Variants in ANKRD29 observed in about 807,000 individuals in gnomAD.
ANKRD29 encodes ankyrin repeat domain-containing protein 29.
A neutral mutation model predicts 38.0 loss-of-function variants in ANKRD29; 32 were observed. That is an observed-to-expected ratio of 0.84 (90% CI 0.64 to 1.13). The LOEUF (loss-of-function observed/expected upper bound fraction) is 1.13, where lower values mean the gene tolerates loss of function less well. Ranked by LOEUF, ANKRD29 falls within the 50% of genes most tolerant of loss-of-function variation. ANKRD29 has a pLI of 0.00. For missense variants in ANKRD29, 357 were observed against 377.9 expected (o/e 0.94, Z 0.46); for synonymous variants, 135 against 152.4 (o/e 0.89, Z 0.84).
chr18:23,617,116 C>T (rs1242414901), intron 8 of ANKRD29, among the ~76,000 whole-genome samples: 1 of 152,068 alleles, frequency 6.6e-6, no homozygotes, highest in Non-Finnish European at 1.5e-5. Context: ...ACTTGGGAGG[C>T]TGAGACAGGA....
chr18:23,643,260 G>A (rs1352826288), intron 3 of ANKRD29, among the ~76,000 whole-genome samples: 2 of 152,198 alleles, frequency 1.3e-5, no homozygotes, highest in Non-Finnish European at 2.9e-5. Context: ...TGCAATGCAG[G>A]TGTGATTTTC....
At chr18:23,660,135 T>A (rs2060339956) in intron 1 of ANKRD29, among the ~76,000 whole-genome samples, 1 of 152,078 alleles carries the variant, frequency 6.6e-6, no homozygotes, top group Non-Finnish European at 1.5e-5. Context: ...AATAAATAAA[T>A]AAAAATGACT....
intron 1 of ANKRD29, among the ~76,000 whole-genome samples, chr18:23,656,745 T>G (rs1375187425): frequency 6.6e-6 from 1 of 152,228 alleles, no homozygotes. Context: ...AGGTCTCTTT[T>G]ATTATTGTGG....
At chr18:23,630,320 C>T (rs893023232) in intron 5 of ANKRD29, among the ~76,000 whole-genome samples, 6 of 152,060 alleles carry the variant, frequency 3.9e-5, no homozygotes, top group Admixed American at 3.3e-4. Context: ...CCAGCTACTC[C>T]GGAGGCTGAG....
intron 4 of ANKRD29, 129 bp from the exon 5 acceptor site, chr18:23,634,278 GTT>G (rs71163626): frequency 0.012 from 4,638 of 371,596 alleles, 91 homozygotes; most frequent in African/African-American, 0.061. Flanking sequence ...CACTTTCCCT[GTT>G]TTTTTTTTTT....
intron 5 of ANKRD29, 86 bp downstream of exon 5, chr18:23,633,965 G>A: frequency 7.5e-7 from 1 of 1,334,594 alleles, no homozygotes; most frequent in Non-Finnish European, 1.1e-6. Context: ...AAGTATTTTT[G>A]AAGTTGGCAT....
At chr18:23,639,693 A>G (rs1243358734) in intron 3 of ANKRD29, among the ~76,000 whole-genome samples, 1 of 151,914 alleles carries the variant, frequency 6.6e-6, no homozygotes, top group Non-Finnish European at 1.5e-5. Flanking sequence ...GCACCCCCAC[A>G]TCTGGCTATT....
At chr18:23,662,431 C>T (rs1048876519) in intron 1 of ANKRD29, among the ~76,000 whole-genome samples, 2 of 152,212 alleles carry the variant, frequency 1.3e-5, no homozygotes, top group Admixed American at 6.5e-5. Context: ...CGGCGACAGT[C>T]CCCGCCGCCC....
chr18:23,658,655 A>G (rs1029807647), intron 1 of ANKRD29, among the ~76,000 whole-genome samples: 2 of 152,224 alleles, frequency 1.3e-5, no homozygotes, highest in East Asian at 3.8e-4. Context: ...GAATGTTTGC[A>G]TCCCCCCAAA....
chr18:23,620,507 C>G (rs1310197137), intron 6 of ANKRD29, among the ~76,000 whole-genome samples: 2 of 152,054 alleles, frequency 1.3e-5, no homozygotes, highest in Non-Finnish European at 2.9e-5. Context: ...GGAAAGCCTT[C>G]CAATGTGTGA....
chr18:23,607,163 C>A (rs1599056158), intron 9 of ANKRD29, among the ~76,000 whole-genome samples: 1 of 152,328 alleles, frequency 6.6e-6, no homozygotes, highest in African/African-American at 2.4e-5. Flanking sequence ...CCTGTGGCTG[C>A]ACCCCTTCTC....
chr18:23,621,243 T>C (rs1208977417), intron 6 of ANKRD29, among the ~76,000 whole-genome samples: 1 of 152,180 alleles, frequency 6.6e-6, no homozygotes, highest in Non-Finnish European at 1.5e-5. Flanking sequence ...GATTCAGTTA[T>C]AGAATATAAA....
chr18:23,637,994 C>CTTTTTTTTTTTT (rs3083465), intron 4 of ANKRD29, among the ~76,000 whole-genome samples: 3 of 98,080 alleles, frequency 3.1e-5, no homozygotes, highest in African/African-American at 1.2e-4. Context: ...TCAATTACTT[C>CTTTTTTTTTTTT]TTTTTTTTTT....
chr18:23,646,739 G>A (rs2072045920), intron 2 of ANKRD29: 1 of 155,244 alleles, frequency 6.4e-6, no homozygotes, highest in Non-Finnish European at 1.4e-5. Context: ...GGTGAAATGA[G>A]AGACTACAGA....
At chr18:23,620,104 C>T (rs2059778163) in intron 6 of ANKRD29, among the ~76,000 whole-genome samples, 1 of 152,130 alleles carries the variant, frequency 6.6e-6, no homozygotes, top group Non-Finnish European at 1.5e-5. Flanking sequence ...CCTTAATGTT[C>T]ACAAAATACA....
chr18:23,631,741 C>T (rs916284822), intron 5 of ANKRD29, among the ~76,000 whole-genome samples: 9 of 152,336 alleles, frequency 5.9e-5, no homozygotes, highest in South Asian at 2.1e-4. Context: ...TTTTCCAGTG[C>T]TCTTTAGTTT....
intron 3 of ANKRD29, among the ~76,000 whole-genome samples, chr18:23,641,197 A>G (rs2060070301): frequency 2.0e-5 from 3 of 152,178 alleles, no homozygotes; most frequent in African/African-American, 7.2e-5. Context: ...CTGGGGCTGC[A>G]TGCTCCTCAG....
At chr18:23,626,542 T>C (rs545893430) in intron 6 of ANKRD29, among the ~76,000 whole-genome samples, 1 of 152,356 alleles carries the variant, frequency 6.6e-6, no homozygotes, top group African/African-American at 2.4e-5. Context: ...AATGAATTGT[T>C]AGAGTGAAAT....
At chr18:23,614,027 C>T (rs535995630) in intron 8 of ANKRD29, among the ~76,000 whole-genome samples, 10 of 151,976 alleles carry the variant, frequency 6.6e-5, no homozygotes, top group South Asian at 2.1e-4. Flanking sequence ...CCAGTGTGCC[C>T]GGCCTTTACA....
Sources: gnomAD v4.1 joint callset for allele counts (sites outside exome capture counted in the v4.1 genomes callset) on GRCh38, gnomAD v4.1.1 for gene constraint, MANE v1.5 for transcripts, NCBI Gene and HGNC (gene_info 2026-07-23, HGNC 2026-07-21) for gene names.